The following PRORP variants were observed in gnomAD, a reference collection of about 807,000 sequenced individuals.
The protein encoded by PRORP is protein only RNase P catalytic subunit.
PRORP carries 51 observed loss-of-function variants against 59.4 expected under a neutral mutation model. The observed-to-expected ratio is 0.86, with a 90% CI of 0.69 to 1.08. The LOEUF (loss-of-function observed/expected upper bound fraction) is 1.08. Among genes scored for constraint, PRORP ranks in the 50% least tolerant of loss-of-function variants. The pLI is 0.00. For missense variants in PRORP, 646 were observed against 690.3 expected, an observed-to-expected ratio of 0.94 and a Z score of 0.72; for synonymous variants, 231 against 245.6, an observed-to-expected ratio of 0.94 and a Z score of 0.55.
At chr14:35,256,304 A>G (rs1185403698) in intron 5 of PRORP, among the ~76,000 whole-genome samples, 5 of 145,732 alleles carry the variant, frequency 3.4e-5, no homozygotes, top group African/African-American at 7.5e-5. Flanking sequence ...AAAAAAAAAA[A>G]GAAAAAAGAA....
chr14:35,255,159 A>G (rs1240102153), intron 5 of PRORP, among the ~76,000 whole-genome samples: 2 of 152,114 alleles, frequency 1.3e-5, no homozygotes, highest in African/African-American at 4.8e-5. Flanking sequence ...ATGGAGTCTC[A>G]CTTTGTCTCC....
chr14:35,157,227 T>A (rs1019395371), intron 4 of PRORP, among the ~76,000 whole-genome samples: 2 of 152,132 alleles, frequency 1.3e-5, no homozygotes, highest in Non-Finnish European at 2.9e-5. Context: ...AGTGCTGGGA[T>A]TACAGGCGTG....
intron 4 of PRORP, among the ~76,000 whole-genome samples, chr14:35,148,911 A>T (rs1257220987): frequency 2.9e-4 from 24 of 82,830 alleles, no homozygotes; most frequent in East Asian, 7.0e-4. Context: ...GCACTTTTTA[A>T]TTTTTTTTTT....
intron 4 of PRORP, among the ~76,000 whole-genome samples, chr14:35,140,768 G>T (rs2047463637): frequency 6.9e-6 from 1 of 145,640 alleles, no homozygotes; most frequent in Non-Finnish European, 1.5e-5. Context: ...TCTAATGTGA[G>T]ATTTTGAGGA....
At position 35,143,849 on chromosome 14, in the gene PRORP, T is replaced by C. The variant is rs568770526; in HGVS notation, c.1167+16238T>C. On this transcript the variant is annotated intron_variant, in intron 4 of 7. Coordinates refer to ENST00000534898, the MANE Select transcript of PRORP (RefSeq NM_014672.4). ...TTTTAGTAGAGATGGGGTTTCTCCA[T>C]GTTGGTCAGGCTGGTCTCAAACTCC... Among the ~76,000 whole-genome samples, 53 of 145,348 alleles carry C rather than the reference T, an allele frequency of 3.6e-4. 3 individuals are homozygous for C. The highest frequency in any genetic ancestry group is 1.1e-3 in the African/African-American group (44 of 41,124).
chr14:35,242,581 T>G (rs181764736), intron 5 of PRORP, among the ~76,000 whole-genome samples: 5 of 152,322 alleles, frequency 3.3e-5, no homozygotes, highest in Admixed American at 3.3e-4. Flanking sequence ...AAGACTATTT[T>G]CAGCACATAC....
At chr14:35,227,015 G>A (rs986683872) in intron 5 of PRORP, among the ~76,000 whole-genome samples, 1 of 151,866 alleles carries the variant, frequency 6.6e-6, no homozygotes, top group African/African-American at 2.4e-5. Flanking sequence ...GGATACAGGC[G>A]TGAGCCACCG....
intron 4 of PRORP, among the ~76,000 whole-genome samples, chr14:35,177,411 C>T (rs973779169): frequency 2.6e-4 from 40 of 152,302 alleles, no homozygotes; most frequent in African/African-American, 9.6e-4. Flanking sequence ...ATTATTGCCT[C>T]AATTTCAGAT....
intron 5 of PRORP, among the ~76,000 whole-genome samples, chr14:35,213,837 T>C (rs1407274831): frequency 6.6e-6 from 1 of 152,084 alleles, no homozygotes; most frequent in Non-Finnish European, 1.5e-5. Flanking sequence ...GATATAATAA[T>C]AATGAAAAAT....
intron 4 of PRORP, among the ~76,000 whole-genome samples, chr14:35,153,190 C>G (rs2047822806): frequency 6.6e-6 from 1 of 152,214 alleles, no homozygotes; most frequent in Middle Eastern, 3.2e-3. Context: ...GAGTTGGAGA[C>G]CAGCCCGGCC....
intron 5 of PRORP, among the ~76,000 whole-genome samples, chr14:35,230,913 C>T (rs922981699): frequency 6.8e-6 from 1 of 147,682 alleles, no homozygotes; most frequent in Non-Finnish European, 1.5e-5. Flanking sequence ...AGTATGCCAC[C>T]AACTGTGTAA....
chr14:35,263,701 A>T (rs1402111852), intron 5 of PRORP, among the ~76,000 whole-genome samples: 2 of 152,052 alleles, frequency 1.3e-5, no homozygotes, highest in Non-Finnish European at 2.9e-5. Context: ...AAAAATAATA[A>T]TAATAATATT....
intron 4 of PRORP, chr14:35,158,490 T>C: frequency 3.8e-6 from 1 of 263,286 alleles, no homozygotes; most frequent in South Asian, 5.6e-5. Flanking sequence ...TGTTGTCTTC[T>C]TCACCTGTTT....
chr14:35,196,098 G>C (rs1364735200), intron 5 of PRORP, among the ~76,000 whole-genome samples: 1 of 152,170 alleles, frequency 6.6e-6, no homozygotes, highest in Non-Finnish European at 1.5e-5. Flanking sequence ...ATTCTTGGAA[G>C]AAGATCTAAA....
At chr14:35,164,038 A>G (rs1316062325) in intron 4 of PRORP, among the ~76,000 whole-genome samples, 2 of 152,158 alleles carry the variant, frequency 1.3e-5, no homozygotes. Context: ...TCCTTTCCCC[A>G]TTGCTTGTTT....
intron 4 of PRORP, among the ~76,000 whole-genome samples, chr14:35,178,010 T>G (rs6571698): frequency 0.85 from 129,357 of 152,164 alleles, 55,042 homozygotes; most frequent in Admixed American, 0.87. Flanking sequence ...GTACCCAGTA[T>G]TCATTCAGGA....
intron 5 of PRORP, among the ~76,000 whole-genome samples, chr14:35,216,412 C>T (rs376746624): frequency 7.3e-5 from 11 of 151,596 alleles, no homozygotes; most frequent in African/African-American, 2.7e-4. Context: ...TGGGCTCAAG[C>T]AATCCTCCCG....
intron 4 of PRORP, among the ~76,000 whole-genome samples, chr14:35,134,538 G>A (rs1322815368): frequency 6.6e-6 from 1 of 152,194 alleles, no homozygotes. Context: ...TTCCCTTCAA[G>A]GCAGTGAGTT....
At chr14:35,230,086 T>A (rs1462128154) in intron 5 of PRORP, among the ~76,000 whole-genome samples, 4 of 138,094 alleles carry the variant, frequency 2.9e-5, no homozygotes, top group Non-Finnish European at 3.0e-5. Context: ...CAAGTATCAC[T>A]CTGTGGCCCA....
Sources: gnomAD v4.1 joint callset for allele counts (sites outside exome capture counted in the v4.1 genomes callset) on GRCh38, gnomAD v4.1.1 for gene constraint, MANE v1.5 for transcripts, NCBI Gene and HGNC (gene_info 2026-07-23, HGNC 2026-07-21) for gene names.